Variants in ZNF385D observed in about 807,000 individuals in gnomAD.
The protein encoded by ZNF385D is zinc finger protein 385D, also known as zinc finger protein 659.
Under a neutral mutation model 35.8 loss-of-function variants are expected in ZNF385D, and 15 were observed. The observed-to-expected ratio is 0.42, with a 90% confidence interval of 0.28 to 0.64. The LOEUF (loss-of-function observed/expected upper bound fraction) is 0.64. ZNF385D is among the 30% of genes least tolerant of loss of function. ZNF385D has a pLI of 0.23. For missense variants in ZNF385D, 474 were observed against 494.6 expected (o/e 0.96, Z 0.39); for synonymous variants, 212 against 186.8 (o/e 1.13, Z -1.10).
At chr3:21,553,135 C>G (rs1163921949) in intron 3 of ZNF385D, among the ~76,000 whole-genome samples, 1 of 152,154 alleles carries the variant, frequency 6.6e-6, no homozygotes, top group Non-Finnish European at 1.5e-5. Flanking sequence ...CCCCTGGAAC[C>G]TGCAGAAATA....
At chr3:21,738,088 G>T (rs1288554312) in intron 1 of ZNF385D, among the ~76,000 whole-genome samples, 2 of 152,238 alleles carry the variant, frequency 1.3e-5, no homozygotes, top group Admixed American at 1.3e-4. Context: ...CCTGATCTCA[G>T]CCTCAGGCCC....
intron 3 of ZNF385D, among the ~76,000 whole-genome samples, chr3:22,135,593 C>T (rs1347375331): frequency 6.6e-6 from 1 of 152,086 alleles, no homozygotes; most frequent in African/African-American, 2.4e-5. Flanking sequence ...TTATCCAAAT[C>T]CCAGTAAAAT....
intron 3 of ZNF385D, chr3:21,957,001 G>C (rs186775056): frequency 4.6e-5 from 7 of 152,096 alleles, no homozygotes; most frequent in African/African-American, 1.7e-4. Flanking sequence ...GGGGGGTGTG[G>C]GGGCATAATT....
intron 2 of ZNF385D, among the ~76,000 whole-genome samples, chr3:22,334,099 CTCTTA>C (rs1695058245): frequency 6.6e-6 from 1 of 152,118 alleles, no homozygotes; most frequent in African/African-American, 2.4e-5. Context: ...TAATGCATGT[CTCTTA>C]TAAGTCCATA....
chr3:21,424,301 T>TTATTTATATATATATATATA (rs1444235124), intron 6 of ZNF385D, among the ~76,000 whole-genome samples: 16 of 80,150 alleles, frequency 2.0e-4, no homozygotes, highest in African/African-American at 7.5e-4. Context: ...ATATATATAT[T>TTATTTATATATATATATATA]TATATATATA....
chr3:22,038,914 T>C (rs1698498295), intron 3 of ZNF385D, among the ~76,000 whole-genome samples: 1 of 149,786 alleles, frequency 6.7e-6, no homozygotes, highest in Non-Finnish European at 1.5e-5. Flanking sequence ...ATATATATTT[T>C]TTATTATAAC....
At chr3:21,961,579 A>G (rs1464385120) in intron 3 of ZNF385D, 2 of 152,162 alleles carry the variant, frequency 1.3e-5, no homozygotes, top group Non-Finnish European at 2.9e-5. Flanking sequence ...TTTTAATTTT[A>G]ATGCCTTTTA....
intron 3 of ZNF385D, among the ~76,000 whole-genome samples, chr3:21,829,357 G>A (rs1227229353): frequency 6.6e-6 from 1 of 152,198 alleles, no homozygotes; most frequent in East Asian, 1.9e-4. Flanking sequence ...GCTTTCTCAG[G>A]GAAGGGATCA....
intron 3 of ZNF385D, among the ~76,000 whole-genome samples, chr3:21,935,253 T>G (rs148456808): frequency 1.3e-5 from 2 of 152,202 alleles, no homozygotes; most frequent in Non-Finnish European, 2.9e-5. Flanking sequence ...TGCCTTAAAA[T>G]AATTTTTATA....
At chr3:21,936,112 TGA>T (rs1380570484) in intron 3 of ZNF385D, among the ~76,000 whole-genome samples, 1 of 151,112 alleles carries the variant, frequency 6.6e-6, no homozygotes, top group African/African-American at 2.4e-5. Context: ...GATGAGGAGG[TGA>T]GAGAGGGAGG....
chr3:22,263,856 G>A (rs1358781131), intron 2 of ZNF385D, among the ~76,000 whole-genome samples: 2 of 151,898 alleles, frequency 1.3e-5, no homozygotes, highest in Admixed American at 1.3e-4. Context: ...GCCCTCCCAT[G>A]CACAGGACAG....
At chr3:22,312,918 C>T (rs74977397) in intron 2 of ZNF385D, among the ~76,000 whole-genome samples, 73,180 of 119,956 alleles carry the variant, frequency 0.61, 23,328 homozygotes, top group African/African-American at 0.82. Context: ...ACCCAAAGGA[C>T]TATAAATCAT....
At chr3:21,946,531 G>A (rs956295044) in intron 3 of ZNF385D, among the ~76,000 whole-genome samples, 8 of 151,860 alleles carry the variant, frequency 5.3e-5, no homozygotes, top group Admixed American at 2.6e-4. Context: ...GTAACACTAT[G>A]TTAAAACTTA....
At chr3:22,167,764 T>C (rs947992555) in intron 3 of ZNF385D, among the ~76,000 whole-genome samples, 2 of 152,216 alleles carry the variant, frequency 1.3e-5, no homozygotes, top group African/African-American at 2.4e-5. Context: ...AATTTAATAG[T>C]TCTCAATTAC....
chr3:22,206,552 GA>G (rs1370905586), intron 2 of ZNF385D, among the ~76,000 whole-genome samples: 10 of 151,140 alleles, frequency 6.6e-5, no homozygotes, highest in African/African-American at 1.9e-4. Flanking sequence ...AAAACATCCA[GA>G]AAAAAAAGAA....
At chr3:21,459,770 G>A (rs755307442) in intron 4 of ZNF385D, among the ~76,000 whole-genome samples, 2 of 152,110 alleles carry the variant, frequency 1.3e-5, no homozygotes, top group Non-Finnish European at 1.5e-5. Flanking sequence ...GACAAATTGG[G>A]CATTCAAGAG....
chr3:21,997,909 C>T (rs1199046244), intron 3 of ZNF385D, among the ~76,000 whole-genome samples: 2 of 139,620 alleles, frequency 1.4e-5, no homozygotes, highest in Non-Finnish European at 3.1e-5. Flanking sequence ...GTGTGTGTGA[C>T]AGAAAGAGAG....
intron 1 of ZNF385D, among the ~76,000 whole-genome samples, chr3:21,722,099 CAA>C (rs56852209): frequency 0.23 from 26,176 of 112,164 alleles, 2,189 homozygotes; most frequent in South Asian, 0.31. Flanking sequence ...GACTCTGTCT[CAA>C]AAAAAAAAAA....
chr3:22,090,213 G>A (rs1559360873), intron 3 of ZNF385D, among the ~76,000 whole-genome samples: 2 of 152,280 alleles, frequency 1.3e-5, no homozygotes, highest in South Asian at 4.1e-4. Flanking sequence ...AATGGTCCCA[G>A]GAGATAGACC....
Sources: allele counts gnomAD v4.1 joint callset (sites outside exome capture counted in the v4.1 genomes callset), GRCh38; gene constraint gnomAD v4.1.1; transcripts MANE v1.5; gene names NCBI Gene and HGNC (gene_info 2026-07-23, HGNC 2026-07-21).